The following ADAMTS17 variants were observed in gnomAD, a reference collection of about 807,000 sequenced individuals.
ADAMTS17 encodes A disintegrin and metalloproteinase with thrombospondin motifs 17.
Under a neutral mutation model 141.5 loss-of-function variants are expected in ADAMTS17, and 113 were observed. That is an observed-to-expected ratio of 0.80 (90% CI 0.69 to 0.93). The LOEUF is 0.93. Ranked by LOEUF, ADAMTS17 falls within the 40% of genes least tolerant of loss-of-function variation. The pLI, the probability that ADAMTS17 is intolerant of heterozygous loss-of-function variation, is 0.00. For synonymous variants in ADAMTS17, 768 were observed against 630.6 expected (o/e 1.22, Z -3.27); for missense variants, 1,659 against 1,517.9 (o/e 1.09, Z -1.54).
chr15:100,070,437 A>G (rs2141719907), intron 15 of ADAMTS17, among the ~76,000 whole-genome samples: 1 of 150,516 alleles, frequency 6.6e-6, no homozygotes, highest in Admixed American at 6.6e-5. Flanking sequence ...AACAGAATAT[A>G]CATTCTTCTC....
intron 7 of ADAMTS17, among the ~76,000 whole-genome samples, chr15:100,208,400 G>A (rs1006929694): frequency 5.9e-5 from 9 of 152,224 alleles, no homozygotes; most frequent in Admixed American, 2.0e-4. Context: ...GGGTACCTGT[G>A]CAGAGGGAAG....
intron 7 of ADAMTS17, among the ~76,000 whole-genome samples, chr15:100,251,558 T>C (rs1393509630): frequency 6.6e-6 from 1 of 152,210 alleles, no homozygotes; most frequent in Non-Finnish European, 1.5e-5. Context: ...AACCCATCTC[T>C]ACTAAAAATA....
At chr15:100,230,019 C>T (rs934917794) in intron 7 of ADAMTS17, among the ~76,000 whole-genome samples, 1 of 152,204 alleles carries the variant, frequency 6.6e-6, no homozygotes, top group Non-Finnish European at 1.5e-5. Context: ...ACTCACTCTG[C>T]CCCCACTGCC....
At chr15:100,286,288 T>C (rs1272737154) in intron 3 of ADAMTS17, among the ~76,000 whole-genome samples, 1 of 152,152 alleles carries the variant, frequency 6.6e-6, no homozygotes, top group Non-Finnish European at 1.5e-5. Context: ...CCCACCGCCC[T>C]ACGCACCTCC....
rs1397304576 is a variant in ADAMTS17 at position 100,340,697 on chromosome 15, T to C, written c.450+342A>G. Among the ~76,000 whole-genome samples the C allele has an allele frequency of 8.5e-5, 13 of 152,272 alleles. No individual in the cohort carries two copies. In the East Asian group the frequency reaches 1.6e-3, roughly 18 times the overall value. The stretch of plus-strand genomic sequence containing the variant: ...CGGTGCAGATGCAGTGTTCTCTACA[T>C]TGGGGCCAAGGCGCCTCTGTCCAGG... On this transcript the variant is annotated intron_variant, in intron 2 of 21. Transcript: ENST00000268070.
intron 7 of ADAMTS17, among the ~76,000 whole-genome samples, chr15:100,239,187 A>T (rs1375186228): frequency 6.6e-6 from 1 of 152,258 alleles, no homozygotes; most frequent in Non-Finnish European, 1.5e-5. Flanking sequence ...CCTTCGGGCA[A>T]GACATCTCCC....
intron 4 of ADAMTS17, among the ~76,000 whole-genome samples, chr15:100,265,697 C>A (rs1356455731): frequency 1.3e-5 from 2 of 152,160 alleles, no homozygotes; most frequent in African/African-American, 4.8e-5. Flanking sequence ...CCCAAGGCCT[C>A]CCCCCAGAGC....
rs113488520 is a variant in ADAMTS17, at chr15:100,341,721, G to T, written c.79+100C>A. ...CCTCCTCCGCTCGGGCGCCGTCAGC[G>T]GTCCCGCCGCCGCCCCCGGGCCGCC... On this transcript the variant is annotated intron_variant, in intron 1 of 21. Transcript: ENST00000268070. 6,328 of 1,413,262 alleles carry T rather than the reference G, an allele frequency of 4.5e-3. 208 individuals are homozygous for T. The African/African-American group carries it at 0.074, about 17-fold the overall frequency. The allele number at this position is 1,413,262 out of a possible 1,614,324, so 87.5% of individuals were successfully genotyped here.
rs547784689 is a variant in ADAMTS17 at position 100,180,468 on chromosome 15, G to A, written c.1181+18850C>T. On this transcript the variant is annotated intron_variant, in intron 8 of 21. Transcript: ENST00000268070. ...CAGGTAATGTGATTCCTCCAGTTTCGTTCTTTTTGCTCAGGATAGCTTTTG... is the reference window on the plus strand; with the variant it reads ...CAGGTAATGTGATTCCTCCAGTTTCATTCTTTTTGCTCAGGATAGCTTTTG... Among the ~76,000 whole-genome samples, 7 of 152,152 alleles carry A rather than the reference G, an allele frequency of 4.6e-5. No individual in the cohort carries two copies. In the East Asian group the frequency reaches 9.7e-4, roughly 21 times the overall value.
At chr15:100,082,711 T>C (rs2141826723) in intron 15 of ADAMTS17, among the ~76,000 whole-genome samples, 1 of 152,180 alleles carries the variant, frequency 6.6e-6, no homozygotes, top group Non-Finnish European at 1.5e-5. Context: ...CTTAAATCTT[T>C]CTACAAATAG....
At position 100,132,135 on chromosome 15, in the gene ADAMTS17, C is replaced by A. The variant is rs1323764025; in HGVS notation, c.1593G>T (p.Glu531Asp). 1.9e-6 allele frequency: 3 copies of A among 1,613,688 alleles called. No individual in the cohort carries two copies. Among genetic ancestry groups the A allele is most frequent in the African/African-American group, 2.7e-5 (2 of 74,954 alleles). ...CCGGGATGGGCGTCTTGCTCACGCA[C>A]TCCCCCGCGCGGCACCACTGAAACA... The part of the protein sequence containing the change: ...CGADKWCRAG[E>D]CVSKTPIPEH... The change falls in exon 12 of 22, where the codon GAG becomes GAT. Residue 531 changes from glutamate to aspartate, a missense_variant. By Grantham distance (45) the Glu-to-Asp change is conservative. Coordinates refer to ENST00000268070, the MANE Select transcript of ADAMTS17 (RefSeq NM_139057.4).
intron 15 of ADAMTS17, among the ~76,000 whole-genome samples, chr15:100,077,063 T>C (rs1431794153): frequency 6.6e-6 from 1 of 151,886 alleles, no homozygotes; most frequent in Non-Finnish European, 1.5e-5. Flanking sequence ...CACAAAATAC[T>C]AGCAAGCCCA....
intron 7 of ADAMTS17, among the ~76,000 whole-genome samples, chr15:100,202,738 C>T (rs923318222): frequency 2.0e-5 from 3 of 152,178 alleles, no homozygotes; most frequent in African/African-American, 4.8e-5. Flanking sequence ...TGGGAAAACC[C>T]GCCAAATCCC....
At chr15:100,159,554 T>G (rs141935959) in intron 8 of ADAMTS17, among the ~76,000 whole-genome samples, 2 of 152,366 alleles carry the variant, frequency 1.3e-5, no homozygotes, top group East Asian at 3.9e-4. Flanking sequence ...CTGAAAGTTT[T>G]GATGGATTTC....
intron 3 of ADAMTS17, among the ~76,000 whole-genome samples, chr15:100,298,613 G>T (rs985923049): frequency 6.6e-6 from 1 of 152,174 alleles, no homozygotes; most frequent in African/African-American, 2.4e-5. Flanking sequence ...GAGAAAGAAA[G>T]GGAAATCATA....
intron 7 of ADAMTS17, among the ~76,000 whole-genome samples, chr15:100,230,061 T>C (rs943460879): frequency 6.6e-6 from 1 of 152,168 alleles, no homozygotes; most frequent in Non-Finnish European, 1.5e-5. Context: ...GTCCTAGAAG[T>C]TTCCTGGCCA....
intron 3 of ADAMTS17, among the ~76,000 whole-genome samples, chr15:100,298,234 T>A (rs142463186): frequency 2.6e-3 from 389 of 152,026 alleles, no homozygotes; most frequent in Non-Finnish European, 3.4e-3. Flanking sequence ...AATTGAAACA[T>A]AAAATGAAGA....
At chr15:100,073,661 G>C (rs2034151047) in intron 15 of ADAMTS17, among the ~76,000 whole-genome samples, 1 of 149,890 alleles carries the variant, frequency 6.7e-6, no homozygotes, top group Admixed American at 6.8e-5. Context: ...ACTATCACAA[G>C]GACAAAAAAC....
At chr15:99,975,340 G>A (rs562239835) in intron 21 of ADAMTS17, among the ~76,000 whole-genome samples, 77 of 152,292 alleles carry the variant, frequency 5.1e-4, no homozygotes, top group Admixed American at 2.5e-3. Context: ...CACCTGAGGC[G>A]TGGGGACTAC....
Sources: allele counts gnomAD v4.1 joint callset (sites outside exome capture counted in the v4.1 genomes callset), GRCh38; gene constraint gnomAD v4.1.1; transcripts MANE v1.5; gene names NCBI Gene and HGNC (gene_info 2026-07-23, HGNC 2026-07-21).